The following AHDC1 variants were observed in gnomAD, a reference collection of about 807,000 sequenced individuals.
The protein encoded by AHDC1 is transcription factor Gibbin.
AHDC1 carries 7 observed loss-of-function variants against 87.9 expected under a neutral mutation model. The observed-to-expected ratio is 0.08, with a 90% CI of 0.05 to 0.15. The LOEUF (loss-of-function observed/expected upper bound fraction) is 0.15, where lower values mean the gene tolerates loss of function less well. Ranked by LOEUF, AHDC1 falls within the 10% of genes least tolerant of loss-of-function variation. AHDC1 has a pLI of 1.00. For synonymous variants in AHDC1, 1,051 were observed against 1,006.8 expected, an observed-to-expected ratio of 1.04 and a Z score of -0.83; for missense variants, 1,841 against 2,253.2, an observed-to-expected ratio of 0.82 and a Z score of 3.70.
At position 27,568,603 on chromosome 1, in the gene AHDC1, G is replaced by A. The variant is rs1243018492; in HGVS notation, c.-628-9720C>T. On this transcript the variant is annotated intron_variant, in intron 3 of 8. Transcript: ENST00000673934. ...GTGCCCGCGAGGGGGCGGGCCGCGC[G>A]GGCCGGGCTCCCGGAGATTGGTAGC... is the stretch of plus-strand genomic sequence containing the variant. Among the ~76,000 whole-genome samples, 11 of 151,986 alleles carry A rather than the reference G, an allele frequency of 7.2e-5. No individual in the cohort carries two copies. In the East Asian group the frequency reaches 9.7e-4, roughly 13 times the overall value.
In AHDC1 at chr1:27,595,648, T is replaced by G. The variant is rs1190796003; in HGVS notation, c.-629+7749A>C. ...CTGGAAAGGTTATTGGGATTTTAATTGGGTACCTGCAAGGGTCTGGGGAGG... is the reference window on the plus strand; with the variant it reads ...CTGGAAAGGTTATTGGGATTTTAATGGGGTACCTGCAAGGGTCTGGGGAGG... On this transcript the variant is annotated intron_variant, in intron 3 of 8. Transcript: ENST00000673934. This position sits in a 1 kb window ranked among gnomAD's most constrained non-coding sequence, Gnocchi z 4.0. 6.6e-6 allele frequency among the ~76,000 whole-genome samples: 1 copy of G among 151,694 alleles called. No homozygotes were observed. Among genetic ancestry groups the G allele is most frequent in the Admixed American group, 6.6e-5 (1 of 15,248 alleles).
At position 27,596,642 on chromosome 1, in the gene AHDC1, C is replaced by T. The variant is rs2148491017; in HGVS notation, c.-629+6755G>A. On this transcript the variant is annotated intron_variant, in intron 3 of 8. Coordinates refer to ENST00000673934, the MANE Select transcript of AHDC1 (RefSeq NM_001371928.1). ...CACCCTCATATCTGCATAGTCCCTA[C>T]ACTCACACGCACTCATACACCTTCC... is the stretch of plus-strand genomic sequence containing the variant. 2.0e-5 allele frequency among the ~76,000 whole-genome samples: 3 copies of T among 152,212 alleles called. No individual in the cohort carries two copies. In the South Asian group the frequency reaches 6.2e-4, roughly 32 times the overall value.
intron 8 of AHDC1, among the ~76,000 whole-genome samples, chr1:27,536,744 T>C (rs1483944537): frequency 6.6e-6 from 1 of 152,030 alleles, no homozygotes; most frequent in Middle Eastern, 3.2e-3. Flanking sequence ...AAGGGGACTT[T>C]AGGATGGGCT....
intron 5 of AHDC1, among the ~76,000 whole-genome samples, chr1:27,555,593 G>A (rs2019781307): frequency 6.6e-6 from 1 of 152,208 alleles, no homozygotes; most frequent in Admixed American, 6.5e-5. Flanking sequence ...GGAGGACAGT[G>A]GGTGACACCC....
chr1:27,547,598 A>G lies in AHDC1; in HGVS notation c.4518T>C (p.Ala1506=), dbSNP rs775528746. The G allele has an allele frequency of 6.8e-6, 11 of 1,605,914 alleles. No individual in the cohort carries two copies. The highest frequency in any genetic ancestry group is 2.2e-5 in the South Asian group (2 of 90,338). The part of the protein sequence containing the change: ...EAACLSAPHL[A]SPPATPKADK... ...CGGCCTTGGGCGTGGCTGGTGGGCT[A>G]GCCAGGTGAGGGGCACTGAGGCACG... Residue 1506 remains alanine (A), a synonymous_variant, in exon 8 of 9, where the codon GCT becomes GCC. Coordinates refer to ENST00000673934, the MANE Select transcript of AHDC1 (RefSeq NM_001371928.1). This position sits in a 1 kb window ranked among gnomAD's most constrained non-coding sequence, Gnocchi z 4.9.
chr1:27,554,031 T>C (rs2019693850), intron 5 of AHDC1, among the ~76,000 whole-genome samples: 1 of 152,192 alleles, frequency 6.6e-6, no homozygotes, highest in African/African-American at 2.4e-5. Flanking sequence ...ATCGTGCCAT[T>C]GTTCTCCAGC....
chr1:27,592,756 G>C (rs745364015), intron 3 of AHDC1, among the ~76,000 whole-genome samples: 3 of 152,188 alleles, frequency 2.0e-5, no homozygotes, highest in Non-Finnish European at 4.4e-5. Flanking sequence ...CCTGTAGACA[G>C]GTCATCCCTC....
rs143716594 is a variant in AHDC1, at chr1:27,560,687, G to A, written c.-628-1804C>T. Reference sequence around the variant, plus strand: ...TTATTGTGTGTCTGTGTACCACAGCGTGTCTCTGTGTATGTCAGTGGGTCC... The same window carrying A: ...TTATTGTGTGTCTGTGTACCACAGCATGTCTCTGTGTATGTCAGTGGGTCC... On this transcript the variant is annotated intron_variant, in intron 3 of 8. Coordinates refer to ENST00000673934, the MANE Select transcript of AHDC1 (RefSeq NM_001371928.1). This position sits in a 1 kb window ranked among gnomAD's most constrained non-coding sequence, Gnocchi z 4.1. 1.3e-4 allele frequency among the ~76,000 whole-genome samples: 20 copies of A among 152,204 alleles called. No homozygotes were observed. The highest frequency in any genetic ancestry group is 4.1e-4 in the South Asian group (2 of 4,828).
rs1377266955 is a variant in AHDC1, at chr1:27,598,069, C to T, written c.-629+5328G>A. 1.3e-5 allele frequency among the ~76,000 whole-genome samples: 2 copies of T among 152,200 alleles called. No homozygotes were observed. Among genetic ancestry groups the T allele is most frequent in the Non-Finnish European group, 2.9e-5 (2 of 68,044 alleles). On this transcript the variant is annotated intron_variant, in intron 3 of 8. Coordinates refer to ENST00000673934, the MANE Select transcript of AHDC1 (RefSeq NM_001371928.1). This position sits in a 1 kb window ranked among gnomAD's most constrained non-coding sequence, Gnocchi z 4.2. ...GTGTTAGTCCTTCCAAGGGTGCCCA[C>T]TCGCTCCCCAAGGCACCCTCCCCCA...
At chr1:27,597,287 C>T (rs1366340170) in intron 3 of AHDC1, among the ~76,000 whole-genome samples, 2 of 151,884 alleles carry the variant, frequency 1.3e-5, no homozygotes, top group Non-Finnish European at 2.9e-5. Context: ...CAGCTATGTT[C>T]GTGAGATGCA....
chr1:27,585,566 T>A (rs2089029866), intron 3 of AHDC1, among the ~76,000 whole-genome samples: 1 of 152,164 alleles, frequency 6.6e-6, no homozygotes, highest in Admixed American at 6.5e-5. Flanking sequence ...TGTGGTAGGG[T>A]ACAGAGCTAG....
chr1:27,569,555 G>A lies in AHDC1; in HGVS notation c.-628-10672C>T, dbSNP rs535060599. On this transcript the variant is annotated intron_variant, in intron 3 of 8. Coordinates refer to ENST00000673934, the MANE Select transcript of AHDC1 (RefSeq NM_001371928.1). ...TAATTCTCCACCCCAAACATACCTC[G>A]CTGTCACAGTCTAGTACCAGGCGGG... Among the ~76,000 whole-genome samples, 32 of 152,158 alleles carry A rather than the reference G, an allele frequency of 2.1e-4. 1 individual carries two copies. The highest frequency in any genetic ancestry group is 6.5e-4 in the African/African-American group (27 of 41,490).
At chr1:27,575,862 C>G (rs540729781) in intron 3 of AHDC1, among the ~76,000 whole-genome samples, 1 of 147,058 alleles carries the variant, frequency 6.8e-6, no homozygotes, top group East Asian at 2.1e-4. Context: ...CCCGGCCCGC[C>G]AGGCCGGGCC....
Position 27,551,780 on chromosome 1 carries a change from G to T in AHDC1, c.336C>A (p.Asp112Glu), listed in dbSNP as rs1465074349. The change falls in exon 8 of 9, where the codon GAC becomes GAA. Residue 112 changes from aspartate to glutamate, a missense_variant. Asp to Glu is a conservative substitution (Grantham distance 45). Coordinates refer to ENST00000673934, the MANE Select transcript of AHDC1 (RefSeq NM_001371928.1). ...CTGGTCGCAGGTTCACCCGCCCGTT[G>T]TCCCAGCAGCGTCGGGAGCTGCTGC... ...GDGSSSRRCW[D>E]NGRVNLRPVV... 6.2e-7 allele frequency: 1 copy of T among 1,613,490 alleles called. No individual in the cohort carries two copies. The highest frequency in any genetic ancestry group is 1.1e-5 in the South Asian group (1 of 91,074).
intron 3 of AHDC1, among the ~76,000 whole-genome samples, chr1:27,585,337 C>T (rs2089024122): frequency 6.6e-6 from 1 of 151,762 alleles, no homozygotes; most frequent in Admixed American, 6.6e-5. Context: ...AAGGGCGGCT[C>T]CACCACATAC....
rs762497019 is a variant in AHDC1 at position 27,550,426 on chromosome 1, G to A, written c.1690C>T (p.Pro564Ser). The A allele has an allele frequency of 1.2e-6, 2 of 1,610,364 alleles. No homozygotes were observed. Among genetic ancestry groups the A allele is most frequent in the South Asian group, 2.2e-5 (2 of 90,994 alleles). Residue 564 changes from proline to serine, a missense_variant, in exon 8 of 9, where the codon CCA (proline) becomes TCA (serine). Pro to Ser is a moderately conservative substitution (Grantham distance 74). Transcript: ENST00000673934. ...LLLGPGKPKE[P>S]AVVAAEAATV... ...GCTGCCTCGGCCGCCACCACAGCTG[G>A]CTCCTTGGGCTTGCCGGGACCCAGC...
chr1:27,548,270 G>T lies in AHDC1; in HGVS notation c.3846C>A (p.Ala1282=). 6.2e-7 allele frequency: 1 copy of T among 1,610,524 alleles called. No individual in the cohort carries two copies. Among genetic ancestry groups the T allele is most frequent in the South Asian group, 1.1e-5 (1 of 91,050 alleles). The part of the protein sequence containing the change: ...RGGRGGGACS[A]KKERGGAAAK... ...CCGCTGCGCCACCCCGCTCCTTCTTGGCTGAGCAGGCCCCACCGCCCCGTC... is the reference window on the plus strand; with the variant it reads ...CCGCTGCGCCACCCCGCTCCTTCTTTGCTGAGCAGGCCCCACCGCCCCGTC... The change falls in exon 8 of 9, where the codon GCC becomes GCA. Residue 1282 remains alanine, a synonymous_variant. Coordinates refer to ENST00000673934, the MANE Select transcript of AHDC1 (RefSeq NM_001371928.1).
intron 3 of AHDC1, among the ~76,000 whole-genome samples, chr1:27,592,487 T>C (rs2089252820): frequency 6.6e-6 from 1 of 152,192 alleles, no homozygotes; most frequent in Non-Finnish European, 1.5e-5. Context: ...CCAGAGACCC[T>C]GTGGGACCCC....
At chr1:27,572,964 G>A (rs988605117) in intron 3 of AHDC1, among the ~76,000 whole-genome samples, 9 of 152,198 alleles carry the variant, frequency 5.9e-5, no homozygotes, top group African/African-American at 1.9e-4. Flanking sequence ...TCACAGCCCC[G>A]CCTGACACAA....
Sources: gnomAD v4.1 joint callset for allele counts (sites outside exome capture counted in the v4.1 genomes callset) on GRCh38, gnomAD v4.1.1 for gene constraint, Gnocchi (gnomAD v3.1) non-coding constraint, MANE v1.5 for transcripts, NCBI Gene and HGNC (gene_info 2026-07-23, HGNC 2026-07-21) for gene names.